PKNOX2: variants seen among roughly 807,000 people sequenced by gnomAD.
PKNOX2 encodes PBX/knotted 1 homeobox 2.
PKNOX2 carries 14 observed loss-of-function variants against 53.1 expected under a neutral mutation model. That is an observed-to-expected ratio of 0.26 (90% CI 0.17 to 0.41). The LOEUF (loss-of-function observed/expected upper bound fraction) is 0.41, where lower values mean the gene tolerates loss of function less well. PKNOX2 is among the 10% of genes least tolerant of loss of function. PKNOX2 has a pLI of 1.00. For missense variants in PKNOX2, 496 were observed against 602.8 expected (o/e 0.82, Z 1.85); for synonymous variants, 257 against 242.8 (o/e 1.06, Z -0.54).
chr11:125,199,671 C>A (rs7103543), intron 1 of PKNOX2, among the ~76,000 whole-genome samples: 69,762 of 151,846 alleles, frequency 0.46, 16,330 homozygotes, highest in East Asian at 0.75. Context: ...TGGTAAAACT[C>A]CATCTCTACT....
chr11:125,281,211 C>T (rs1427691329), intron 2 of PKNOX2, among the ~76,000 whole-genome samples: 2 of 152,214 alleles, frequency 1.3e-5, no homozygotes, highest in Non-Finnish European at 2.9e-5. Context: ...AGAGCCACCT[C>T]AGGAGGAAAG....
At chr11:125,334,555 G>A (rs1047343104) in intron 3 of PKNOX2, among the ~76,000 whole-genome samples, 2 of 151,088 alleles carry the variant, frequency 1.3e-5, no homozygotes, top group African/African-American at 2.4e-5. Context: ...CTGCCTGTGA[G>A]ATTTGGGGCA....
chr11:125,236,093 C>T (rs1942659048), intron 2 of PKNOX2, among the ~76,000 whole-genome samples: 1 of 152,240 alleles, frequency 6.6e-6, no homozygotes, highest in Admixed American at 6.5e-5. Context: ...ACATCTTCAC[C>T]TCTGTGTAAA....
intron 5 of PKNOX2, among the ~76,000 whole-genome samples, chr11:125,379,681 G>A (rs1953095505): frequency 6.6e-6 from 1 of 152,104 alleles, no homozygotes; most frequent in Non-Finnish European, 1.5e-5. Context: ...GCACAGGGCT[G>A]CAGCCAACAT....
rs537894177 is a variant in PKNOX2 at position 125,307,985 on chromosome 11, C to CA, written c.-129-23829dup. Among the ~76,000 whole-genome samples the CA allele has an allele frequency of 1.3e-3, 195 of 152,266 alleles. 1 individual carries two copies. Among genetic ancestry groups the CA allele is most frequent in the Non-Finnish European group, 2.0e-3 (134 of 68,020 alleles). ...GGGGCCTTGATGGATGAGCAAGACC[C>CA]AAAAAGGCAAACATCGAGGGGAGAG... On this transcript the variant is annotated intron_variant, in intron 2 of 12. Transcript: ENST00000298282.
At chr11:125,368,564 T>C (rs954151696) in intron 5 of PKNOX2, among the ~76,000 whole-genome samples, 2 of 152,236 alleles carry the variant, frequency 1.3e-5, no homozygotes, top group Non-Finnish European at 2.9e-5. Flanking sequence ...CTTGGATTCA[T>C]GGTAGTCTCT....
intron 8 of PKNOX2, 153 bp from the exon 9 acceptor site, chr11:125,410,622 CCCCA>C: frequency 1.5e-6 from 1 of 666,314 alleles, no homozygotes; most frequent in Non-Finnish European, 2.6e-6. Context: ...AGACACCATC[CCCCA>C]CCCACCCATA....
Position 125,189,476 on chromosome 11 carries a change from T to TGTATAC in PKNOX2, c.-201+24700_-201+24701insGTATAC, listed in dbSNP as rs1956731220. On this transcript the variant is annotated intron_variant, in intron 1 of 12. Coordinates refer to ENST00000298282, the MANE Select transcript of PKNOX2 (RefSeq NM_001382323.2). ...ATATATATATATATATATATATATA[T>TGTATAC]ATATATATATATATACAAAAGCAAG... Among the ~76,000 whole-genome samples, 4 of 119,250 alleles carry TGTATAC rather than the reference T, an allele frequency of 3.4e-5. No individual in the cohort carries two copies. In the Admixed American group the frequency reaches 3.5e-4, roughly 10 times the overall value. 78.2% of individuals were successfully genotyped at this position (119,250 alleles called of 152,430 possible).
At chr11:125,431,110 G>T in intron 12 of PKNOX2, 56 bp from the exon 13 acceptor site, 1 of 1,576,726 alleles carries the variant, frequency 6.3e-7, no homozygotes, top group South Asian at 1.2e-5. Context: ...CAACACAGAG[G>T]TGCTGGCCCT....
At chr11:125,255,508 A>G (rs1268355034) in intron 2 of PKNOX2, among the ~76,000 whole-genome samples, 1 of 152,234 alleles carries the variant, frequency 6.6e-6, no homozygotes, top group East Asian at 1.9e-4. Context: ...GCTTATGGAG[A>G]GCTTGCCCCA....
At chr11:125,427,202 G>A (rs1956474723) in intron 10 of PKNOX2, among the ~76,000 whole-genome samples, 1 of 152,176 alleles carries the variant, frequency 6.6e-6, no homozygotes, top group African/African-American at 2.4e-5. Context: ...TCTGCCCCCT[G>A]GGGCCATCTG....
intron 1 of PKNOX2, chr11:125,191,015 G>T (rs1039055043): frequency 6.6e-6 from 1 of 152,198 alleles, no homozygotes; most frequent in East Asian, 1.9e-4. Context: ...GACAGGAGCC[G>T]CATCTTTTTC....
intron 1 of PKNOX2, among the ~76,000 whole-genome samples, chr11:125,222,931 A>G (rs1941361458): frequency 6.6e-6 from 1 of 152,160 alleles, no homozygotes; most frequent in South Asian, 2.1e-4. Context: ...CCTAGTTAGG[A>G]GTGAATGCAA....
intron 3 of PKNOX2, among the ~76,000 whole-genome samples, chr11:125,350,994 C>G (rs1951274484): frequency 6.6e-6 from 1 of 152,160 alleles, no homozygotes; most frequent in Admixed American, 6.5e-5. Context: ...GTGCCCCCTC[C>G]CCACACGTAC....
chr11:125,421,453 C>T (rs754625035), intron 10 of PKNOX2, among the ~76,000 whole-genome samples: 14 of 152,144 alleles, frequency 9.2e-5, no homozygotes, highest in East Asian at 1.9e-4. Flanking sequence ...CATGGTGTAG[C>T]GCAAGGAGCA....
rs539097375 is a variant in PKNOX2, at chr11:125,192,496, C to G, written c.-201+27720C>G. Among the ~76,000 whole-genome samples the G allele has an allele frequency of 1.9e-3, 295 of 152,264 alleles. 1 individual carries two copies. Among genetic ancestry groups the G allele is most frequent in the African/African-American group, 6.8e-3 (283 of 41,554 alleles). On this transcript the variant is annotated intron_variant, in intron 1 of 12. Transcript: ENST00000298282. ...GTCCTTTAACCTGACGCTGGGGGAG[C>G]CTGGCAGGAGCTAGGTCTGGGGAAG...
intron 3 of PKNOX2, among the ~76,000 whole-genome samples, chr11:125,338,150 C>A (rs1299846886): frequency 6.6e-6 from 1 of 152,060 alleles, no homozygotes; most frequent in Admixed American, 6.5e-5. Flanking sequence ...CTCTGCCTGA[C>A]CTTCCCCATC....
chr11:125,415,915 T>G lies in PKNOX2; in HGVS notation c.936+4050T>G, dbSNP rs564559894. On this transcript the variant is annotated intron_variant, in intron 10 of 12. Transcript: ENST00000298282. ...CGTATACATTCATTTGCTAATCTTT[T>G]GATACAGGACTAAGGTCTTTTTCTA... is the stretch of plus-strand genomic sequence containing the variant. Among the ~76,000 whole-genome samples the G allele has an allele frequency of 6.6e-5, 10 of 152,374 alleles. No homozygotes were observed. In the East Asian group the frequency reaches 1.9e-3, roughly 29 times the overall value.
chr11:125,396,913 G>A (rs2135451618), intron 6 of PKNOX2, among the ~76,000 whole-genome samples: 1 of 152,084 alleles, frequency 6.6e-6, no homozygotes, highest in Non-Finnish European at 1.5e-5. Flanking sequence ...TAAACTAGAG[G>A]GAAAAAACAG....
Sources: gnomAD v4.1 joint callset for allele counts (sites outside exome capture counted in the v4.1 genomes callset) on GRCh38, gnomAD v4.1.1 for gene constraint, MANE v1.5 for transcripts, NCBI Gene and HGNC (gene_info 2026-07-23, HGNC 2026-07-21) for gene names.